The following TANC2 variants were observed in gnomAD, a reference collection of about 807,000 sequenced individuals.
TANC2 encodes tetratricopeptide repeat, ankyrin repeat and coiled-coil containing 2.
TANC2 carries 26 observed loss-of-function variants against 210.5 expected under a neutral mutation model. The ratio of observed to expected loss-of-function variants is 0.12; its 90% CI spans 0.09 to 0.17. The LOEUF (loss-of-function observed/expected upper bound fraction) is 0.17. TANC2 is among the 10% of genes least tolerant of loss of function. The pLI, the probability that TANC2 is intolerant of heterozygous loss-of-function variation, is 1.00. For synonymous variants in TANC2, 931 were observed against 967.1 expected, an observed-to-expected ratio of 0.96 and a Z score of 0.69; for missense variants, 2,129 against 2,608.9, an observed-to-expected ratio of 0.82 and a Z score of 4.01.
intron 1 of TANC2, among the ~76,000 whole-genome samples, chr17:62,971,736 T>C (rs1201547720): frequency 6.6e-6 from 1 of 152,242 alleles, no homozygotes; most frequent in Admixed American, 6.5e-5. Flanking sequence ...CCAGCATTAC[T>C]GTGTGAGCAC....
chr17:63,095,388 C>G (rs983984514), intron 3 of TANC2, among the ~76,000 whole-genome samples: 1 of 152,102 alleles, frequency 6.6e-6, no homozygotes, highest in Non-Finnish European at 1.5e-5. Flanking sequence ...CCACATCGAT[C>G]TCAAACTCCT....
chr17:63,046,325 C>CT (rs57550590), intron 2 of TANC2, among the ~76,000 whole-genome samples: 1,947 of 44,084 alleles, frequency 0.044, 446 homozygotes, highest in Admixed American at 0.13. Context: ...ACACCCAGCT[C>CT]TTTTTTTTTT....
intron 2 of TANC2, among the ~76,000 whole-genome samples, chr17:63,018,128 TG>T (rs1427784358): frequency 1.3e-5 from 2 of 151,204 alleles, no homozygotes; most frequent in African/African-American, 2.4e-5. Flanking sequence ...ACCCTGTCTA[TG>T]AAAAAAAAAG....
At chr17:63,124,448 C>T (rs2038624449) in intron 4 of TANC2, among the ~76,000 whole-genome samples, 1 of 152,142 alleles carries the variant, frequency 6.6e-6, no homozygotes, top group Non-Finnish European at 1.5e-5. Context: ...GCCTTTTGCT[C>T]TCCTGAACTG....
chr17:63,406,067 A>G, intron 20 of TANC2, 87 bp from the exon 21 acceptor site: 3 of 1,542,678 alleles, frequency 1.9e-6, no homozygotes, highest in South Asian at 2.3e-5. Flanking sequence ...AGCAGTAGGA[A>G]TTCCTACAGA....
intron 9 of TANC2, among the ~76,000 whole-genome samples, chr17:63,310,339 C>A (rs1050534117): frequency 2.0e-4 from 31 of 152,176 alleles, no homozygotes; most frequent in Admixed American, 1.5e-3. Context: ...CCCAGCTACT[C>A]AGGAGGCTGA....
intron 5 of TANC2, among the ~76,000 whole-genome samples, chr17:63,164,000 G>C (rs1339149990): frequency 6.6e-6 from 1 of 152,114 alleles, no homozygotes; most frequent in African/African-American, 2.4e-5. Flanking sequence ...AATAGTAGTA[G>C]TAGGGAAAGA....
chr17:63,095,456 C>T lies in TANC2; in HGVS notation c.140-3719C>T, dbSNP rs142240743. Among the ~76,000 whole-genome samples the T allele has an allele frequency of 5.1e-4, 77 of 152,276 alleles. 1 individual carries two copies. Among genetic ancestry groups the T allele is most frequent in the African/African-American group, 1.7e-3 (69 of 41,582 alleles). On this transcript the variant is annotated intron_variant, in intron 3 of 27. Transcript: ENST00000689528. ...AAAGTGCTGGGATTTCAAATGTGGG[C>T]CACTGTGCCCAGCCTTGAGCAGAAG... is the stretch of plus-strand genomic sequence containing the variant.
At chr17:63,409,221 G>C (rs943167198) in intron 21 of TANC2, among the ~76,000 whole-genome samples, 2 of 152,034 alleles carry the variant, frequency 1.3e-5, no homozygotes, top group African/African-American at 4.8e-5. Context: ...ACCCAGGCTG[G>C]AGTGCAGTGG....
chr17:63,377,803 T>C (rs879804623), intron 14 of TANC2, among the ~76,000 whole-genome samples: 12 of 152,184 alleles, frequency 7.9e-5, no homozygotes, highest in Non-Finnish European at 1.6e-4. Context: ...GGGTGATTTA[T>C]AAAGAAAAGA....
At chr17:63,321,870 A>G (rs187598514) in intron 11 of TANC2, among the ~76,000 whole-genome samples, 4 of 152,254 alleles carry the variant, frequency 2.6e-5, no homozygotes, top group East Asian at 1.9e-4. Flanking sequence ...CTGGGGATCT[A>G]ACTTCTTACA....
exon 28 of TANC2, chr17:63,425,214 A>G (rs1189715282): frequency 1.3e-5 from 2 of 152,214 alleles, no homozygotes; most frequent in Non-Finnish European, 2.9e-5. Flanking sequence ...TTAGATGTGT[A>G]TAACTTAAAC....
At chr17:63,147,170 C>CA (rs532404338) in intron 4 of TANC2, among the ~76,000 whole-genome samples, 1,515 of 144,482 alleles carry the variant, frequency 0.01, 12 homozygotes, top group Non-Finnish European at 0.016. Context: ...CTGTCTCTAC[C>CA]AAAAAAAAAA....
intron 4 of TANC2, among the ~76,000 whole-genome samples, chr17:63,140,794 C>T (rs1008966383): frequency 6.6e-6 from 1 of 152,178 alleles, no homozygotes; most frequent in Non-Finnish European, 1.5e-5. Flanking sequence ...GTTGCCCAGG[C>T]TGTGTGTAGA....
intron 4 of TANC2, among the ~76,000 whole-genome samples, chr17:63,130,271 G>A (rs2145212451): frequency 1.3e-5 from 2 of 152,224 alleles, no homozygotes; most frequent in Middle Eastern, 3.4e-3. Flanking sequence ...CACCTTATGA[G>A]GCCAAGCCGG....
At chr17:63,425,258 C>G (rs2049116355) in exon 28 of TANC2, 1 of 152,278 alleles carries the variant, frequency 6.6e-6, no homozygotes, top group Non-Finnish European at 1.5e-5. Flanking sequence ...TAATTAGAAT[C>G]ATGTACAGTA....
At chr17:63,170,131 A>G (rs899151394) in intron 5 of TANC2, among the ~76,000 whole-genome samples, 1 of 148,612 alleles carries the variant, frequency 6.7e-6, no homozygotes, top group African/African-American at 2.5e-5. Flanking sequence ...CTCTGTCTCA[A>G]AAAAAAAATT....
intron 25 of TANC2, chr17:63,414,305 C>T (rs2048794376): frequency 6.6e-6 from 1 of 152,182 alleles, no homozygotes; most frequent in South Asian, 2.1e-4. Context: ...CTGACACTTC[C>T]CCAAGACTAA....
intron 17 of TANC2, chr17:63,391,478 G>T (rs2047971167): frequency 6.6e-6 from 1 of 152,176 alleles, no homozygotes; most frequent in African/African-American, 2.4e-5. Context: ...TATAAAAAGG[G>T]TGTTAAAAGA....
Sources: gnomAD v4.1 joint callset for allele counts (sites outside exome capture counted in the v4.1 genomes callset) on GRCh38, gnomAD v4.1.1 for gene constraint, MANE v1.5 for transcripts, NCBI Gene and HGNC (gene_info 2026-07-23, HGNC 2026-07-21) for gene names.